The following BLK variants were observed in gnomAD, a reference collection of about 807,000 sequenced individuals.
BLK encodes the protein tyrosine-protein kinase Blk.
Under a neutral mutation model 61.8 loss-of-function variants are expected in BLK, and 64 were observed. That is an observed-to-expected ratio of 1.03 (90% CI 0.85 to 1.27). The LOEUF (loss-of-function observed/expected upper bound fraction) is 1.27, where lower values mean the gene tolerates loss of function less well. Among genes scored for constraint, BLK ranks in the 50% most tolerant of loss-of-function variants. The pLI, the probability that BLK is intolerant of heterozygous loss-of-function variation, is 0.00. For missense variants in BLK, 853 were observed against 660.5 expected (o/e 1.29, Z -3.19); for synonymous variants, 351 against 272.0 (o/e 1.29, Z -2.86).
chr8:11,557,641 C>T (rs1361561247), intron 9 of BLK, among the ~76,000 whole-genome samples: 1 of 152,190 alleles, frequency 6.6e-6, no homozygotes, highest in Non-Finnish European at 1.5e-5. Flanking sequence ...CAAGAAGGGG[C>T]ATGAAACTTC....
chr8:11,557,436 C>T (rs1407162828), intron 9 of BLK, among the ~76,000 whole-genome samples: 1 of 152,184 alleles, frequency 6.6e-6, no homozygotes, highest in Non-Finnish European at 1.5e-5. Context: ...CTGGGGGTGC[C>T]TCTAGCCTGC....
At chr8:11,553,272 A>G in intron 6 of BLK, 1 of 294,668 alleles carries the variant, frequency 3.4e-6, no homozygotes, top group Non-Finnish European at 6.8e-6. Flanking sequence ...ATGTGAGGAT[A>G]GACTAGTTTC....
At chr8:11,546,309 G>C (rs900471870) in intron 3 of BLK, among the ~76,000 whole-genome samples, 1 of 152,174 alleles carries the variant, frequency 6.6e-6, no homozygotes, top group Non-Finnish European at 1.5e-5. Flanking sequence ...CTGAGCCTGG[G>C]TGGGACTTTT....
chr8:11,562,936 C>A (rs762130423), intron 11 of BLK, 43 bp from the exon 12 acceptor site: 1 of 1,612,908 alleles, frequency 6.2e-7, no homozygotes. Flanking sequence ...GGGTAGGGGC[C>A]ACCGGCCGTG....
intron 6 of BLK, among the ~76,000 whole-genome samples, chr8:11,553,899 C>T (rs1801045087): frequency 6.6e-6 from 1 of 152,128 alleles, no homozygotes; most frequent in Admixed American, 6.5e-5. Context: ...CAAGCGTCCA[C>T]AACGAGAACG....
chr8:11,502,344 C>T (rs1478054365), intron 1 of BLK, among the ~76,000 whole-genome samples: 1 of 151,356 alleles, frequency 6.6e-6, no homozygotes, highest in African/African-American at 2.4e-5. Flanking sequence ...TACTCTGTTG[C>T]CCAGGCTGCA....
intron 1 of BLK, among the ~76,000 whole-genome samples, chr8:11,520,802 G>A (rs954771308): frequency 2.0e-5 from 3 of 152,104 alleles, no homozygotes; most frequent in Non-Finnish European, 2.9e-5. Context: ...TCTAAGACAA[G>A]TAATTGAAAA....
rs1801169244 is a variant in BLK, at chr8:11,555,564, T to C, written c.772+80T>C. On this transcript the variant is annotated intron_variant, in intron 8 of 12. Coordinates refer to ENST00000259089, the MANE Select transcript of BLK (RefSeq NM_001715.3). ...CCTGAGTCCAGGTTCAGCATTTTCA[T>C]AGCGTGTCATCCCTCCCCCAGAAGT... 3 of 1,591,522 alleles carry C rather than the reference T, an allele frequency of 1.9e-6. No individual in the cohort carries two copies. The African/African-American group carries it at 4.0e-5, about 21-fold the overall frequency.
intron 1 of BLK, among the ~76,000 whole-genome samples, chr8:11,495,961 T>C (rs1798346014): frequency 6.6e-6 from 1 of 152,082 alleles, no homozygotes; most frequent in Non-Finnish European, 1.5e-5. Context: ...AATAAAGAGT[T>C]AAAAAAAATT....
chr8:11,502,245 A>G (rs551319737), intron 1 of BLK, among the ~76,000 whole-genome samples: 1 of 152,300 alleles, frequency 6.6e-6, no homozygotes, highest in East Asian at 1.9e-4. Context: ...TGTATCTTGT[A>G]TAATTCAACT....
chr8:11,561,825 T>G (rs1801515973), intron 11 of BLK, among the ~76,000 whole-genome samples: 1 of 126,966 alleles, frequency 7.9e-6, no homozygotes, highest in Non-Finnish European at 1.9e-5. Context: ...CTCCAAATAC[T>G]ATTTTTTTTT....
At chr8:11,522,046 C>G (rs1019910364) in intron 1 of BLK, among the ~76,000 whole-genome samples, 3 of 152,208 alleles carry the variant, frequency 2.0e-5, no homozygotes, top group African/African-American at 7.2e-5. Flanking sequence ...TCCTCCTAAT[C>G]ATGGTAAATC....
intron 1 of BLK, among the ~76,000 whole-genome samples, chr8:11,538,085 CAT>C (rs1386398320): frequency 2.0e-5 from 3 of 152,284 alleles, no homozygotes; most frequent in South Asian, 2.1e-4. Context: ...CACACACACA[CAT>C]ATATACACAC....
rs1314277361 is a variant in BLK, at chr8:11,549,131, G to A, written c.368+9G>A. On this transcript the variant is annotated intron_variant, in intron 5 of 12. Transcript: ENST00000259089. ...AGCCTGGAAATGGAAAGGTAGGTGG[G>A]CACGGGAACCCCCCTCGAGCCAAGA... The A allele has an allele frequency of 1.9e-6, 3 of 1,593,044 alleles. No homozygotes were observed. Among genetic ancestry groups the A allele is most frequent in the Non-Finnish European group, 2.6e-6 (3 of 1,168,906 alleles).
At chr8:11,555,595 G>C in intron 8 of BLK, 111 bp downstream of exon 8, 3 of 1,512,316 alleles carry the variant, frequency 2.0e-6, no homozygotes, top group Non-Finnish European at 2.7e-6. Flanking sequence ...GAAGTCTTGA[G>C]AGGGAGCGAG....
At chr8:11,535,300 G>GAAAC (rs746752639) in intron 1 of BLK, among the ~76,000 whole-genome samples, 1 of 144,322 alleles carries the variant, frequency 6.9e-6, no homozygotes, top group Non-Finnish European at 1.5e-5. Flanking sequence ...AAGAAAGAAA[G>GAAAC]AAAGAAAGAA....
At chr8:11,560,719 G>A (rs1011785371) in intron 10 of BLK, 2 of 390,392 alleles carry the variant, frequency 5.1e-6, no homozygotes, top group Admixed American at 2.8e-5. Flanking sequence ...TGCCCCCACG[G>A]GGCAGGCGCT....
chr8:11,528,438 A>G (rs1245280187), intron 1 of BLK, among the ~76,000 whole-genome samples: 1 of 152,264 alleles, frequency 6.6e-6, no homozygotes, highest in African/African-American at 2.4e-5. Context: ...CAGAAGCAAG[A>G]TGGAGTCAGC....
chr8:11,498,725 A>T (rs966457150), intron 1 of BLK, among the ~76,000 whole-genome samples: 10 of 152,182 alleles, frequency 6.6e-5, no homozygotes, highest in Non-Finnish European at 1.3e-4. Flanking sequence ...GTATACGAGC[A>T]GCCTTACCTG....
Sources: allele counts gnomAD v4.1 joint callset (sites outside exome capture counted in the v4.1 genomes callset), GRCh38; gene constraint gnomAD v4.1.1; transcripts MANE v1.5; gene names NCBI Gene and HGNC (gene_info 2026-07-23, HGNC 2026-07-21).